The following MAML3 variants were observed in gnomAD, a reference collection of about 807,000 sequenced individuals.
The protein encoded by MAML3 is mastermind like transcriptional coactivator 3.
In MAML3, 27 loss-of-function variants were observed where a neutral mutation model predicts 101.9. The ratio of observed to expected loss-of-function variants is 0.27; its 90% CI spans 0.20 to 0.37. The LOEUF (loss-of-function observed/expected upper bound fraction) is 0.37, where lower values mean the gene tolerates loss of function less well. Ranked by LOEUF, MAML3 falls within the 10% of genes least tolerant of loss-of-function variation. MAML3 has a pLI of 1.00. For synonymous variants in MAML3, 501 were observed against 555.9 expected (o/e 0.90, Z 1.39); for missense variants, 1,316 against 1,444.9 (o/e 0.91, Z 1.45).
chr4:139,807,499 A>G (rs531978163), intron 2 of MAML3, among the ~76,000 whole-genome samples: 1 of 152,198 alleles, frequency 6.6e-6, no homozygotes, highest in Non-Finnish European at 1.5e-5. Flanking sequence ...CAAGAGAGGA[A>G]TGACAAATTA....
At chr4:139,723,870 A>G (rs187605360) in intron 4 of MAML3, among the ~76,000 whole-genome samples, 15 of 152,312 alleles carry the variant, frequency 9.8e-5, no homozygotes, top group Non-Finnish European at 1.8e-4. Flanking sequence ...CTTGTAAAAA[A>G]TGCAGATTCT....
At chr4:140,147,277 A>G (rs1449309629) in intron 1 of MAML3, among the ~76,000 whole-genome samples, 1 of 152,212 alleles carries the variant, frequency 6.6e-6, no homozygotes, top group Admixed American at 6.5e-5. Flanking sequence ...CACTATGGAC[A>G]ATGTACCAAT....
At position 139,961,981 on chromosome 4, in the gene MAML3, T is replaced by G. The variant is rs1176047269; in HGVS notation, c.469-71014A>C. On this transcript the variant is annotated intron_variant, in intron 1 of 4. Transcript: ENST00000509479. The stretch of plus-strand genomic sequence containing the variant: ...AATACAAAAAATTAGGTGGGCATGG[T>G]GGCATGTGCCTGTGGTCCCAGCTAC... Among the ~76,000 whole-genome samples, 3 of 152,200 alleles carry G rather than the reference T, an allele frequency of 2.0e-5. No homozygotes were observed. In the East Asian group the frequency reaches 5.8e-4, roughly 29 times the overall value.
chr4:140,073,948 A>G (rs113822668), intron 1 of MAML3, among the ~76,000 whole-genome samples: 1,541 of 151,966 alleles, frequency 0.01, 29 homozygotes, highest in African/African-American at 0.036. Flanking sequence ...CCTGGCCAAC[A>G]TGGTGACACC....
chr4:139,843,321 A>C (rs996062036), intron 2 of MAML3, among the ~76,000 whole-genome samples: 3 of 152,198 alleles, frequency 2.0e-5, no homozygotes, highest in African/African-American at 2.4e-5. Context: ...AGCTGAGTAC[A>C]TACTAAGATG....
chr4:140,048,928 G>A (rs1426923410), intron 1 of MAML3, among the ~76,000 whole-genome samples: 1 of 152,304 alleles, frequency 6.6e-6, no homozygotes, highest in East Asian at 1.9e-4. Flanking sequence ...CAAGAAAGGT[G>A]AAGAGGAAGA....
rs369000853 is a variant in MAML3 at position 139,735,315 on chromosome 4, C to A, written c.2080-4648G>T. Reference sequence around the variant, plus strand: ...TGCCGTGTATCTCTGGGGTTATCTGCCCCCCTCCTCCGACTGACACTGAAC... The same window carrying A: ...TGCCGTGTATCTCTGGGGTTATCTGACCCCCTCCTCCGACTGACACTGAAC... On this transcript the variant is annotated intron_variant, in intron 2 of 4. Transcript: ENST00000509479. The surrounding 1 kb of genome is among the most constrained non-coding windows in gnomAD (Gnocchi z 5.8). Among the ~76,000 whole-genome samples the A allele has an allele frequency of 6.6e-6, 1 of 152,162 alleles. No individual in the cohort carries two copies. The highest frequency in any genetic ancestry group is 2.4e-5 in the African/African-American group (1 of 41,434).
intron 1 of MAML3, among the ~76,000 whole-genome samples, chr4:139,915,694 G>A (rs138228254): frequency 1.3e-5 from 2 of 151,786 alleles, no homozygotes; most frequent in Non-Finnish European, 2.9e-5. Context: ...CAGCATTGGC[G>A]GGGGGGCGGG....
intron 1 of MAML3, among the ~76,000 whole-genome samples, chr4:139,905,743 C>T (rs1732813083): frequency 1.3e-5 from 2 of 152,118 alleles, no homozygotes; most frequent in Admixed American, 1.3e-4. Flanking sequence ...TGTCCTTGAA[C>T]AGTCTTCCCT....
At chr4:139,725,049 G>A (rs796741075) in intron 4 of MAML3, among the ~76,000 whole-genome samples, 32 of 152,248 alleles carry the variant, frequency 2.1e-4, no homozygotes, top group African/African-American at 7.5e-4. Flanking sequence ...GTGAGCCACC[G>A]CACCCGGCCA....
At chr4:140,142,724 C>T (rs1728996534) in intron 1 of MAML3, among the ~76,000 whole-genome samples, 1 of 152,174 alleles carries the variant, frequency 6.6e-6, no homozygotes, top group South Asian at 2.1e-4. Context: ...AATCCTGTCA[C>T]CCCCTAAATC....
In MAML3 at chr4:139,718,017, T is replaced by C. The variant is rs1182746261; in HGVS notation, c.*1306A>G. On this transcript the variant is annotated 3_prime_UTR_variant, in exon 5 of 5. Transcript: ENST00000509479. ...AAGGTGGAGCAATTGCTTTTTTAGC[T>C]CCTCCACCTCTCTGGGATTTTATAT... The C allele has an allele frequency of 2.0e-5, 3 of 152,184 alleles. No individual in the cohort carries two copies. The allele number at this position is 152,184 out of a possible 1,614,324, so 9.4% of individuals were successfully genotyped here.
At chr4:139,854,854 G>A (rs1433550890) in intron 2 of MAML3, among the ~76,000 whole-genome samples, 1 of 102,552 alleles carries the variant, frequency 9.8e-6, no homozygotes, top group Non-Finnish European at 2.6e-5. Flanking sequence ...CCACTGCAAG[G>A]ATATCCTGCT....
At chr4:139,944,327 C>A (rs369297951) in intron 1 of MAML3, among the ~76,000 whole-genome samples, 1 of 152,158 alleles carries the variant, frequency 6.6e-6, no homozygotes, top group East Asian at 1.9e-4. Flanking sequence ...TATCCCTCCC[C>A]CTTCCCCCCA....
chr4:139,759,359 A>C (rs1729710723), intron 2 of MAML3, among the ~76,000 whole-genome samples: 1 of 152,260 alleles, frequency 6.6e-6, no homozygotes, highest in South Asian at 2.1e-4. Flanking sequence ...CTGCTGGAAC[A>C]GGCTGGTGTC....
At chr4:140,129,290 C>T (rs1215767984) in intron 1 of MAML3, among the ~76,000 whole-genome samples, 6 of 152,124 alleles carry the variant, frequency 3.9e-5, no homozygotes, top group African/African-American at 1.2e-4. Flanking sequence ...TTGTGGACCC[C>T]ACGTAGATGC....
At chr4:139,994,897 G>C (rs1256224609) in intron 1 of MAML3, among the ~76,000 whole-genome samples, 1 of 151,770 alleles carries the variant, frequency 6.6e-6, no homozygotes, top group Non-Finnish European at 1.5e-5. Context: ...TTGCCTTATT[G>C]CATTGTCTAG....
intron 2 of MAML3, among the ~76,000 whole-genome samples, chr4:139,867,284 T>C (rs896522289): frequency 1.3e-5 from 2 of 152,226 alleles, no homozygotes; most frequent in African/African-American, 4.8e-5. Flanking sequence ...TGGGAATGTG[T>C]ATTTTTCTGG....
intron 1 of MAML3, among the ~76,000 whole-genome samples, chr4:139,900,891 G>T (rs946625772): frequency 6.6e-6 from 1 of 152,132 alleles, no homozygotes; most frequent in African/African-American, 2.4e-5. Flanking sequence ...ATCTTACCTC[G>T]ATTAACCCTC....
Sources: gnomAD v4.1 joint callset for allele counts (sites outside exome capture counted in the v4.1 genomes callset) on GRCh38, gnomAD v4.1.1 for gene constraint, Gnocchi (gnomAD v3.1) non-coding constraint, MANE v1.5 for transcripts, NCBI Gene and HGNC (gene_info 2026-07-23, HGNC 2026-07-21) for gene names.